Variants in SIPA1L2 observed in about 807,000 individuals in gnomAD.
SIPA1L2 encodes the protein signal-induced proliferation-associated 1-like protein 2.
A neutral mutation model predicts 163.9 loss-of-function variants in SIPA1L2; 56 were observed. The observed-to-expected ratio is 0.34, with a 90% CI of 0.28 to 0.43. The LOEUF (loss-of-function observed/expected upper bound fraction) is 0.43. Among genes scored for constraint, SIPA1L2 ranks in the 20% least tolerant of loss-of-function variants. The pLI is 1.00. For synonymous variants in SIPA1L2, 877 were observed against 865.7 expected, an observed-to-expected ratio of 1.01 and a Z score of -0.23; for missense variants, 1,974 against 2,193.5, an observed-to-expected ratio of 0.90 and a Z score of 2.00.
chr1:232,511,164 T>C lies in SIPA1L2; in HGVS notation c.1483+2693A>G, dbSNP rs192842060. The stretch of plus-strand genomic sequence containing the variant: ...TGCATGAACACGGGCATGAGGGTTA[T>C]GAGTTATTTTCACAGCAGAGACAAA... On this transcript the variant is annotated intron_variant, in intron 3 of 22. Transcript: ENST00000674635. Among the ~76,000 whole-genome samples, 19 of 152,270 alleles carry C rather than the reference T, an allele frequency of 1.2e-4. No homozygotes were observed. The East Asian group carries it at 1.7e-3, about 14-fold the overall frequency.
In SIPA1L2 at chr1:232,465,517, TACACACACAC is replaced by T. The variant is rs71162242; in HGVS notation, c.2244-111_2244-102del. On this transcript the variant is annotated intron_variant, in intron 8 of 22. Coordinates refer to ENST00000674635, the MANE Select transcript of SIPA1L2 (RefSeq NM_020808.5). This position sits in a 1 kb window ranked among gnomAD's most constrained non-coding sequence, Gnocchi z 4.1. ...ATATACACACACACACACATATACA[TACACACACAC>T]ACACACATATACATACACACATACA... The T allele has an allele frequency of 1.8e-6, 1 of 562,908 alleles. No individual in the cohort carries two copies. The highest frequency in any genetic ancestry group is 2.9e-6 in the Non-Finnish European group (1 of 344,682). 34.9% of individuals were successfully genotyped at this position (562,908 alleles called of 1,614,324 possible). A position where few individuals can be genotyped will look rare whatever the true frequency, so the allele number is the denominator to read the frequency against.
chr1:232,551,722 C>G lies in SIPA1L2; in HGVS notation c.-270+22452G>C, dbSNP rs80044371. 7.7e-3 allele frequency among the ~76,000 whole-genome samples: 1,176 copies of G among 152,316 alleles called. 28 individuals carry two copies. The highest frequency in any genetic ancestry group is 0.048 in the Admixed American group (727 of 15,298). The stretch of plus-strand genomic sequence containing the variant: ...AGCAAATGATTCAGATTCCTGTGAA[C>G]TGTAAAAGCCTTTTAAAAAGCTACA... On this transcript the variant is annotated intron_variant, in intron 2 of 22. Transcript: ENST00000674635.
At chr1:232,429,739 A>C (rs1662116007) in intron 16 of SIPA1L2, among the ~76,000 whole-genome samples, 2 of 152,212 alleles carry the variant, frequency 1.3e-5, no homozygotes, top group Admixed American at 6.5e-5. Flanking sequence ...TTTTGCACAA[A>C]AGCCACATAA....
At chr1:232,424,430 C>T (rs1191060075) in intron 18 of SIPA1L2, among the ~76,000 whole-genome samples, 1 of 147,246 alleles carries the variant, frequency 6.8e-6, no homozygotes, top group Non-Finnish European at 1.5e-5. Flanking sequence ...AGAGAGTTCA[C>T]AAGCACACTT....
chr1:232,419,833 C>T (rs1260017124), intron 18 of SIPA1L2, among the ~76,000 whole-genome samples: 1 of 152,192 alleles, frequency 6.6e-6, no homozygotes, highest in Non-Finnish European at 1.5e-5. Flanking sequence ...AAATTATATG[C>T]AATACTTTTA....
chr1:232,484,619 C>T (rs1665553964), intron 5 of SIPA1L2, among the ~76,000 whole-genome samples: 1 of 152,086 alleles, frequency 6.6e-6, no homozygotes, highest in Non-Finnish European at 1.5e-5. Flanking sequence ...TACAGTGTAC[C>T]ACAAAGAATC....
intron 18 of SIPA1L2, among the ~76,000 whole-genome samples, chr1:232,421,765 T>C (rs1255793885): frequency 6.6e-6 from 1 of 152,230 alleles, no homozygotes; most frequent in Non-Finnish European, 1.5e-5. Context: ...TTTTATTTAT[T>C]CTAAACTCTC....
At chr1:232,556,533 G>A (rs1181879203) in intron 2 of SIPA1L2, among the ~76,000 whole-genome samples, 4 of 152,118 alleles carry the variant, frequency 2.6e-5, no homozygotes, top group Non-Finnish European at 4.4e-5. Flanking sequence ...AGCTATCAAT[G>A]GCACATAAAC....
At chr1:232,415,242 G>C (rs1661179186) in intron 19 of SIPA1L2, among the ~76,000 whole-genome samples, 1 of 152,170 alleles carries the variant, frequency 6.6e-6, no homozygotes, top group Non-Finnish European at 1.5e-5. Flanking sequence ...GTCACAAATG[G>C]TGCCAGAGCT....
rs892990459 is a variant in SIPA1L2, at chr1:232,494,700, T to G, written c.1484-1040A>C. Reference sequence around the variant, plus strand: ...AAATGACCCGAACTTAACACAACATTCAAGATATGGTCCAATACACAAAAT... The same window carrying G: ...AAATGACCCGAACTTAACACAACATGCAAGATATGGTCCAATACACAAAAT... On this transcript the variant is annotated intron_variant, in intron 3 of 22. Transcript: ENST00000674635. Among the ~76,000 whole-genome samples the G allele has an allele frequency of 2.0e-5, 3 of 152,308 alleles. No homozygotes were observed. In the East Asian group the frequency reaches 5.8e-4, roughly 29 times the overall value.
intron 2 of SIPA1L2, among the ~76,000 whole-genome samples, chr1:232,572,738 CATATATATATATATATATATATATAT>C (rs1219493276): frequency 1.0e-4 from 4 of 39,712 alleles, no homozygotes; most frequent in Non-Finnish European, 2.2e-4. Context: ...TACATACATA[CATATATATATATATATATATATATAT>C]ATATATATAT....
chr1:232,522,690 A>G (rs10910548), intron 2 of SIPA1L2, among the ~76,000 whole-genome samples: 19,011 of 152,208 alleles, frequency 0.12, 1,305 homozygotes, highest in Middle Eastern at 0.3. Context: ...TCTGAGCCTC[A>G]GTTTCCTATC....
chr1:232,584,794 G>A (rs12134288), intron 1 of SIPA1L2, among the ~76,000 whole-genome samples: 5,888 of 152,230 alleles, frequency 0.039, 187 homozygotes, highest in Non-Finnish European at 0.063. Flanking sequence ...TGAAGAGTTA[G>A]GTCAACCAGA....
intron 5 of SIPA1L2, among the ~76,000 whole-genome samples, chr1:232,485,341 G>A (rs1021109396): frequency 1.3e-5 from 2 of 152,214 alleles, no homozygotes; most frequent in African/African-American, 4.8e-5. Flanking sequence ...TACCTTGAGT[G>A]TGGGGATATG....
chr1:232,567,863 A>G (rs1413514805), intron 2 of SIPA1L2, among the ~76,000 whole-genome samples: 12 of 152,150 alleles, frequency 7.9e-5, no homozygotes, highest in Admixed American at 7.9e-4. Context: ...CAGGGAGGAG[A>G]GAGGGGCTGA....
Position 232,465,668 on chromosome 1 carries a change from G to A in SIPA1L2, c.2244-252C>T, listed in dbSNP as rs548621309. 6.6e-6 allele frequency among the ~76,000 whole-genome samples: 1 copy of A among 152,062 alleles called. No individual in the cohort carries two copies. The highest frequency in any genetic ancestry group is 2.1e-4 in the South Asian group (1 of 4,818). On this transcript the variant is annotated intron_variant, in intron 8 of 22. Transcript: ENST00000674635. This position sits in a 1 kb window ranked among gnomAD's most constrained non-coding sequence, Gnocchi z 4.1. ...AAAATGCTTTAAACTTAGTAGACAG[G>A]AGGTGTAATGGGCTGAATTATGTCC...
chr1:232,522,945 C>G (rs1197413356), intron 2 of SIPA1L2, among the ~76,000 whole-genome samples: 1 of 152,162 alleles, frequency 6.6e-6, no homozygotes, highest in Non-Finnish European at 1.5e-5. Context: ...TAAGAGAACA[C>G]AAACCAGTAA....
intron 1 of SIPA1L2, among the ~76,000 whole-genome samples, chr1:232,598,200 GAGACT>G (rs888018684): frequency 4.0e-5 from 6 of 149,936 alleles, no homozygotes; most frequent in Admixed American, 1.3e-4. Flanking sequence ...CCAGGAGTTT[GAGACT>G]AGCCTGGGCA....
chr1:232,590,830 A>T (rs570528802), intron 1 of SIPA1L2, among the ~76,000 whole-genome samples: 8 of 152,400 alleles, frequency 5.2e-5, no homozygotes, highest in African/African-American at 1.9e-4. Context: ...ATTAGACAAA[A>T]GAAACTGGAT....
Sources: allele counts gnomAD v4.1 joint callset (sites outside exome capture counted in the v4.1 genomes callset), GRCh38; gene constraint gnomAD v4.1.1; non-coding constraint Gnocchi (gnomAD v3.1); transcripts MANE v1.5; gene names NCBI Gene and HGNC (gene_info 2026-07-23, HGNC 2026-07-21).